The following NAV3 variants were observed in gnomAD, a reference collection of about 807,000 sequenced individuals.
NAV3 encodes the protein pore membrane and/or filament interacting like protein 1.
NAV3 carries 87 observed loss-of-function variants against 244.7 expected under a neutral mutation model. The observed-to-expected ratio is 0.36, with a 90% CI of 0.30 to 0.42. The LOEUF (loss-of-function observed/expected upper bound fraction) is 0.42, where lower values mean the gene tolerates loss of function less well. NAV3 is among the 20% of genes least tolerant of loss of function. NAV3 has a pLI of 1.00. For synonymous variants in NAV3, 1,126 were observed against 1,042.2 expected (o/e 1.08, Z -1.55); for missense variants, 2,663 against 2,893.3 (o/e 0.92, Z 1.83).
At chr12:78,111,429 A>G (rs1335823172) in intron 12 of NAV3, among the ~76,000 whole-genome samples, 1 of 152,134 alleles carries the variant, frequency 6.6e-6, no homozygotes, top group African/African-American at 2.4e-5. Context: ...ATATTAAGAC[A>G]ACCCAATAAA....
In NAV3 at chr12:77,831,323, ATAT is replaced by A. The variant is rs1190103328; in HGVS notation, c.-133_-131del. 19 of 904,040 alleles carry A rather than the reference ATAT, an allele frequency of 2.1e-5. No homozygotes were observed. The highest frequency in any genetic ancestry group is 2.7e-5 in the Non-Finnish European group (17 of 632,900). The allele number at this position is 904,040 out of a possible 1,614,324, so 56.0% of individuals were successfully genotyped here. A position where few individuals can be genotyped will look rare whatever the true frequency, so the allele number is the denominator to read the frequency against. The stretch of plus-strand genomic sequence containing the variant: ...GAAGTTTTGCCTCTTCCTGAAAATT[ATAT>A]TATTAGCTTTTTAAAAATCAGGATG... On this transcript the variant is annotated 5_prime_UTR_variant, in exon 1 of 40. Coordinates refer to ENST00000397909, the MANE Select transcript of NAV3 (RefSeq NM_001024383.2).
intron 2 of NAV3, among the ~76,000 whole-genome samples, chr12:77,707,461 A>T (rs1404450685): frequency 6.6e-6 from 1 of 152,052 alleles, no homozygotes; most frequent in Middle Eastern, 3.2e-3. Context: ...CCAGTCTATG[A>T]TTGATGGACA....
intron 1 of NAV3, among the ~76,000 whole-genome samples, chr12:77,936,971 T>C (rs1295999088): frequency 1.3e-5 from 2 of 152,190 alleles, no homozygotes; most frequent in African/African-American, 2.4e-5. Context: ...TTTTAAAATA[T>C]ATTTACATGT....
chr12:78,005,059 A>G (rs1446135488), intron 7 of NAV3, among the ~76,000 whole-genome samples: 1 of 152,162 alleles, frequency 6.6e-6, no homozygotes, highest in African/African-American at 2.4e-5. Context: ...CTTGTTCATC[A>G]GCCAGTTAAA....
At chr12:77,626,767 AC>A (rs1170496930) in intron 2 of NAV3, among the ~76,000 whole-genome samples, 1 of 152,160 alleles carries the variant, frequency 6.6e-6, no homozygotes, top group East Asian at 1.9e-4. Context: ...AAAACAGGGA[AC>A]TCATCTCCAT....
chr12:78,021,682 T>G, intron 8 of NAV3, 65 bp from the exon 9 acceptor site: 1 of 1,087,128 alleles, frequency 9.2e-7, no homozygotes. Flanking sequence ...TTGTAGAACT[T>G]CCACTTTGAT....
At chr12:77,740,447 A>AC (rs1288463387) in intron 2 of NAV3, among the ~76,000 whole-genome samples, 5 of 152,112 alleles carry the variant, frequency 3.3e-5, no homozygotes, top group African/African-American at 1.2e-4. Flanking sequence ...TGAAAAAAAA[A>AC]AATCCATAGG....
intron 2 of NAV3, among the ~76,000 whole-genome samples, chr12:77,677,343 A>T (rs2137100148): frequency 6.6e-6 from 1 of 152,376 alleles, no homozygotes; most frequent in African/African-American, 2.4e-5. Context: ...AGATGAAAAA[A>T]TGGAATGTCA....
chr12:77,736,250 C>T (rs2137367367), intron 2 of NAV3, among the ~76,000 whole-genome samples: 1 of 152,322 alleles, frequency 6.6e-6, no homozygotes, highest in Non-Finnish European at 1.5e-5. Context: ...AATGTATACA[C>T]ACACTTATAT....
Position 78,119,785 on chromosome 12 carries a change from A to C in NAV3, c.3589A>C (p.Thr1197Pro), listed in dbSNP as rs760553274. The change falls in exon 15 of 40, where the codon ACA becomes CCA. Residue 1197 changes from threonine (T) to proline (P), a missense_variant. Around this residue, in one of 6 missense-constraint regions of NAV3, gnomAD observed 1,521 missense variants for 1,497.0 expected, o/e 1.02. Transcript: ENST00000397909. Reference sequence around the variant, plus strand: ...CTCGAGTCCTGTCACCGTCAACCAAACAGACAAGGAAAAGGAAAAAGTAGC... The same window carrying C: ...CTCGAGTCCTGTCACCGTCAACCAACCAGACAAGGAAAAGGAAAAAGTAGC... ...GRSSPVTVNQ[T>P]DKEKEKVAVS... 1.2e-5 allele frequency: 20 copies of C among 1,614,064 alleles called. No homozygotes were observed. In the South Asian group the frequency reaches 2.2e-4, roughly 18 times the overall value.
intron 5 of NAV3, among the ~76,000 whole-genome samples, chr12:77,970,785 G>A (rs1420601215): frequency 6.6e-6 from 1 of 152,064 alleles, no homozygotes; most frequent in Non-Finnish European, 1.5e-5. Flanking sequence ...TATTTTTTGT[G>A]TGGATGTTTG....
intron 9 of NAV3, among the ~76,000 whole-genome samples, chr12:78,027,651 T>C (rs1328888884): frequency 6.6e-6 from 1 of 152,114 alleles, no homozygotes; most frequent in Non-Finnish European, 1.5e-5. Flanking sequence ...TATTCAGCAT[T>C]CTCAGGGGAA....
In NAV3 at chr12:78,119,634, C is replaced by G. The variant is rs2138622866; in HGVS notation, c.3438C>G (p.Thr1146=). Residue 1146 remains threonine, a synonymous_variant, in exon 15 of 40, where the codon ACC becomes ACG. Coordinates refer to ENST00000397909, the MANE Select transcript of NAV3 (RefSeq NM_001024383.2). ...RSLPRPSKSS[T]SGIPGRGGHR... ...TGCCCCGCCCTTCAAAATCCAGCAC[C>G]AGTGGCATTCCTGGCCGAGGAGGCC... 1 of 1,614,186 alleles carries G rather than the reference C, an allele frequency of 6.2e-7. No individual in the cohort carries two copies.
At chr12:78,164,355 T>G (rs1350046684) in intron 23 of NAV3, among the ~76,000 whole-genome samples, 2 of 152,056 alleles carry the variant, frequency 1.3e-5, no homozygotes, top group African/African-American at 4.8e-5. Context: ...TTTGCTCATT[T>G]GTTACCTCTC....
chr12:77,603,004 C>A (rs77036714), intron 2 of NAV3, among the ~76,000 whole-genome samples: 1,938 of 152,146 alleles, frequency 0.013, 19 homozygotes, highest in East Asian at 0.02. Context: ...ACACAGCCAA[C>A]CCTGGCAGGG....
chr12:77,815,247 G>T (rs1193467822), intron 2 of NAV3, among the ~76,000 whole-genome samples: 1 of 152,106 alleles, frequency 6.6e-6, no homozygotes, highest in African/African-American at 2.4e-5. Flanking sequence ...CTTAATGATG[G>T]GATTACAGTC....
chr12:77,715,731 C>T (rs1876328909), intron 2 of NAV3, among the ~76,000 whole-genome samples: 1 of 151,966 alleles, frequency 6.6e-6, no homozygotes, highest in Non-Finnish European at 1.5e-5. Context: ...CACATACAGG[C>T]TGAGTATCAA....
At chr12:78,095,339 G>A (rs1329403915) in intron 12 of NAV3, among the ~76,000 whole-genome samples, 1 of 152,010 alleles carries the variant, frequency 6.6e-6, no homozygotes, top group Admixed American at 6.5e-5. Flanking sequence ...CTTGAAGAGA[G>A]AGCAAGAGAG....
At chr12:78,168,714 C>A in intron 23 of NAV3, 41 bp from the exon 24 acceptor site, 2 of 1,337,622 alleles carry the variant, frequency 1.5e-6, no homozygotes, top group African/African-American at 1.5e-5. Context: ...TTTTATTTTT[C>A]TTTCGGGTAC....
Sources: allele counts gnomAD v4.1 joint callset (sites outside exome capture counted in the v4.1 genomes callset), GRCh38; gene constraint gnomAD v4.1.1; regional missense constraint gnomAD v4.1.1; transcripts MANE v1.5; gene names NCBI Gene and HGNC (gene_info 2026-07-23, HGNC 2026-07-21).